Variants in KIDINS220 observed in about 807,000 individuals in gnomAD.
KIDINS220 encodes the protein kinase D interacting substrate 220.
Under a neutral mutation model 157.6 loss-of-function variants are expected in KIDINS220, and 63 were observed. That is an observed-to-expected ratio of 0.40 (90% confidence interval 0.33 to 0.49). The LOEUF (loss-of-function observed/expected upper bound fraction) is 0.49. Ranked by LOEUF, KIDINS220 falls within the 20% of genes least tolerant of loss-of-function variation. The pLI is 0.66. For missense variants in KIDINS220, 1,772 were observed against 2,171.2 expected (o/e 0.82, Z 3.65); for synonymous variants, 732 against 783.6 (o/e 0.93, Z 1.10).
In KIDINS220 at chr2:8,800,349, C is replaced by T. The variant is rs757270292; in HGVS notation, c.900+51G>A. On this transcript the variant is annotated intron_variant, in intron 9 of 29. Transcript: ENST00000256707. Reference sequence around the variant, plus strand: ...AGAATAACATTATGATCAGTCAACACTTACATGCAATTATACTCTAAGATA... The same window carrying T: ...AGAATAACATTATGATCAGTCAACATTTACATGCAATTATACTCTAAGATA... 3 of 1,197,680 alleles carry T rather than the reference C, an allele frequency of 2.5e-6. No homozygotes were observed. The Admixed American group carries it at 5.9e-5, about 24-fold the overall frequency. 74.2% of individuals were successfully genotyped at this position (1,197,680 alleles called of 1,614,324 possible). A position where few individuals can be genotyped will look rare whatever the true frequency, so the allele number is the denominator to read the frequency against.
chr2:8,739,664 T>C (rs1395494715), intron 26 of KIDINS220, among the ~76,000 whole-genome samples: 1 of 152,192 alleles, frequency 6.6e-6, no homozygotes, highest in South Asian at 2.1e-4. Context: ...CACAGACTAG[T>C]TCAAATAATA....
chr2:8,800,465 C>A lies in KIDINS220; in HGVS notation c.835G>T (p.Gly279Cys). The A allele has an allele frequency of 6.2e-7, 1 of 1,613,258 alleles. No individual in the cohort carries two copies. The highest frequency in any genetic ancestry group is 8.5e-7 in the Non-Finnish European group (1 of 1,179,704). ...GCTCGAACAATTTCAACATGACCAC[C>A]TCTGACAGCGCCAATCAACACAGTA... is the stretch of plus-strand genomic sequence containing the variant. ...GDTVLIGAVR[G>C]GHVEIVRALL... Residue 279 changes from glycine (G) to cysteine (C), a missense_variant, in exon 9 of 30, where the codon GGT (glycine) becomes TGT (cysteine). By Grantham distance (159) the Gly-to-Cys change is radical. Transcript: ENST00000256707.
At chr2:8,812,658 G>GT (rs1052783916) in intron 5 of KIDINS220, among the ~76,000 whole-genome samples, 165 bp from the exon 6 acceptor site, 1 of 152,018 alleles carries the variant, frequency 6.6e-6, no homozygotes, top group South Asian at 2.1e-4. Flanking sequence ...ACAAAGTAAT[G>GT]TTTTTTTTAA....
chr2:8,745,552 AC>A (rs1207679062), intron 26 of KIDINS220, among the ~76,000 whole-genome samples: 1 of 152,192 alleles, frequency 6.6e-6, no homozygotes, highest in Non-Finnish European at 1.5e-5. Context: ...TAATCCCAGC[AC>A]TTTGGGAGGC....
At chr2:8,742,035 AACTTTC>A (rs1365259174) in intron 26 of KIDINS220, among the ~76,000 whole-genome samples, 61 of 152,306 alleles carry the variant, frequency 4.0e-4, no homozygotes, top group African/African-American at 1.4e-3. Context: ...TGGCACCTTT[AACTTTC>A]TTGTCCACGT....
chr2:8,820,493 C>G (rs1048592782), intron 2 of KIDINS220, among the ~76,000 whole-genome samples: 2 of 152,142 alleles, frequency 1.3e-5, no homozygotes, highest in African/African-American at 4.8e-5. Flanking sequence ...CAAAATACAA[C>G]AGATGCTATT....
At chr2:8,794,482 T>C (rs1010320927) in intron 11 of KIDINS220, among the ~76,000 whole-genome samples, 6 of 152,212 alleles carry the variant, frequency 3.9e-5, no homozygotes, top group Non-Finnish European at 8.8e-5. Flanking sequence ...TGTCAACCAT[T>C]TGCCACAGTG....
chr2:8,817,290 G>A (rs1034044168), intron 4 of KIDINS220, among the ~76,000 whole-genome samples: 2 of 151,988 alleles, frequency 1.3e-5, no homozygotes, highest in African/African-American at 2.4e-5. Flanking sequence ...AAAACCATAC[G>A]CTGTCCCTCC....
At chr2:8,792,943 A>G (rs1673408250) in intron 12 of KIDINS220, among the ~76,000 whole-genome samples, 1 of 152,362 alleles carries the variant, frequency 6.6e-6, no homozygotes, top group African/African-American at 2.4e-5. Context: ...TGTACGAAAA[A>G]TTATGCAATA....
rs780435174 is a variant in KIDINS220, at chr2:8,812,447, T to A, written c.452A>T (p.Asp151Val). The A allele has an allele frequency of 6.3e-7, 1 of 1,599,238 alleles. No individual in the cohort carries two copies. The highest frequency in any genetic ancestry group is 8.5e-7 in the Non-Finnish European group (1 of 1,172,692). Reference sequence around the variant, plus strand: ...ATTTTGCAGTAAAAGATGAACTATATCTGCATGGCCTCTCCCTGCTGCCCA... The same window carrying A: ...ATTTTGCAGTAAAAGATGAACTATAACTGCATGGCCTCTCCCTGCTGCCCA... ...IIWAAGRGHA[D>V]IVHLLLQNGA... The change falls in exon 6 of 30, where the codon GAT (aspartate) becomes GTT (valine). Residue 151 changes from aspartate to valine, a missense_variant. Coordinates refer to ENST00000256707, the MANE Select transcript of KIDINS220 (RefSeq NM_020738.4).
chr2:8,778,060 A>G (rs1391782190), intron 20 of KIDINS220, among the ~76,000 whole-genome samples: 1 of 152,210 alleles, frequency 6.6e-6, no homozygotes, highest in Non-Finnish European at 1.5e-5. Flanking sequence ...CTGCCCTGCA[A>G]GTGAATATCT....
At chr2:8,804,531 G>A (rs565793334) in intron 7 of KIDINS220, among the ~76,000 whole-genome samples, 2 of 152,266 alleles carry the variant, frequency 1.3e-5, no homozygotes, top group Admixed American at 1.3e-4. Context: ...CAGTTTTTAA[G>A]CTTTCTGGCT....
At chr2:8,793,433 T>G (rs1277315979) in intron 12 of KIDINS220, among the ~76,000 whole-genome samples, 2 of 151,962 alleles carry the variant, frequency 1.3e-5, no homozygotes, top group Non-Finnish European at 2.9e-5. Flanking sequence ...GAATTTGAGG[T>G]TGCAGTGAGC....
chr2:8,735,301 G>A (rs1024181381), intron 27 of KIDINS220, among the ~76,000 whole-genome samples: 1 of 152,238 alleles, frequency 6.6e-6, no homozygotes, highest in East Asian at 1.9e-4. Context: ...GGAGGCTGAG[G>A]TGGGTGGATC....
chr2:8,733,600 G>A lies in KIDINS220; in HGVS notation c.3897C>T (p.Ala1299=). The A allele has an allele frequency of 6.2e-7, 1 of 1,614,058 alleles. No homozygotes were observed. The highest frequency in any genetic ancestry group is 1.1e-5 in the South Asian group (1 of 91,068). Reference sequence around the variant, plus strand: ...CGCGGCGAGCAGGCTCACCGTGCGGGGCTGGGCCACTGCTGCTCTCACTGA... The same window carrying A: ...CGCGGCGAGCAGGCTCACCGTGCGGAGCTGGGCCACTGCTGCTCTCACTGA... ...RFLSESSSGP[A]PHGEPARRAS... is the part of the protein sequence containing the mutation. Residue 1299 remains alanine (A), a synonymous_variant, in exon 29 of 30, where the codon GCC becomes GCT. Transcript: ENST00000256707.
At chr2:8,763,089 A>G (rs10193776) in intron 22 of KIDINS220, among the ~76,000 whole-genome samples, 2 of 152,358 alleles carry the variant, frequency 1.3e-5, no homozygotes, top group East Asian at 1.9e-4. Flanking sequence ...ACTCATAGAT[A>G]TATCAATGAA....
intron 2 of KIDINS220, among the ~76,000 whole-genome samples, chr2:8,823,433 T>TAAAAA: frequency 7.9e-6 from 1 of 127,218 alleles, no homozygotes; most frequent in Non-Finnish European, 1.7e-5. Context: ...AGCAAAATGC[T>TAAAAA]AAAAAAAAAA....
chr2:8,733,541 G>A lies in KIDINS220; in HGVS notation c.3956C>T (p.Ser1319Phe). Reference sequence around the variant, plus strand: ...GTTGAGTGTGTAGGGCGTCTGGCTGGAGAGCTCGGTGTGAGGCAGCTCGTT... The same window carrying A: ...GTTGAGTGTGTAGGGCGTCTGGCTGAAGAGCTCGGTGTGAGGCAGCTCGTT... ...SHNELPHTEL[S>F]SQTPYTLNFS... is the part of the protein sequence containing the mutation. The change falls in exon 29 of 30, where the codon TCC (serine) becomes TTC (phenylalanine). Residue 1319 changes from serine (S) to phenylalanine (F), a missense_variant. Transcript: ENST00000256707. 3 of 1,614,132 alleles carry A rather than the reference G, an allele frequency of 1.9e-6. No individual in the cohort carries two copies. Among genetic ancestry groups the A allele is most frequent in the Non-Finnish European group, 2.5e-6 (3 of 1,180,022 alleles).
intron 21 of KIDINS220, among the ~76,000 whole-genome samples, chr2:8,773,763 C>T (rs1426533801): frequency 6.6e-6 from 1 of 152,090 alleles, no homozygotes. Context: ...TGAGCCGGTG[C>T]GCCCAGCCAG....
Sources: gnomAD v4.1 joint callset for allele counts (sites outside exome capture counted in the v4.1 genomes callset) on GRCh38, gnomAD v4.1.1 for gene constraint, MANE v1.5 for transcripts, NCBI Gene and HGNC (gene_info 2026-07-23, HGNC 2026-07-21) for gene names.